TMEM266: variants seen among roughly 807,000 people sequenced by gnomAD.
TMEM266 encodes the protein Hv1 related protein 1.
In TMEM266, 33 loss-of-function variants were observed where a neutral mutation model predicts 50.5. The observed-to-expected ratio is 0.65, with a 90% CI of 0.50 to 0.87. The LOEUF (loss-of-function observed/expected upper bound fraction) is 0.87. TMEM266 is among the 40% of genes least tolerant of loss of function. TMEM266 has a pLI of 0.00. For missense variants in TMEM266, 655 were observed against 695.1 expected, an observed-to-expected ratio of 0.94 and a Z score of 0.65; for synonymous variants, 310 against 292.3, an observed-to-expected ratio of 1.06 and a Z score of -0.62.
intron 5 of TMEM266, among the ~76,000 whole-genome samples, chr15:76,165,981 G>A (rs1206925328): frequency 6.6e-6 from 1 of 152,220 alleles, no homozygotes; most frequent in Non-Finnish European, 1.5e-5. Context: ...CTTGTGCCCA[G>A]AGTTTCTGAT....
chr15:76,129,876 T>A lies in TMEM266; in HGVS notation c.-96-4292T>A, dbSNP rs142175329. On this transcript the variant is annotated intron_variant, in intron 1 of 10. Coordinates refer to ENST00000388942, the MANE Select transcript of TMEM266 (RefSeq NM_152335.3). Reference sequence around the variant, plus strand: ...CCTGATTCAACAAACCTTAAAAAAATATATACAGGACAAATGGGGGAAATG... The same window carrying A: ...CCTGATTCAACAAACCTTAAAAAAAAATATACAGGACAAATGGGGGAAATG... Among the ~76,000 whole-genome samples, 748 of 152,116 alleles carry A rather than the reference T, an allele frequency of 4.9e-3. 7 individuals are homozygous for A. The highest frequency in any genetic ancestry group is 0.017 in the African/African-American group (717 of 41,512).
At chr15:76,109,584 C>T (rs1250042632) in intron 1 of TMEM266, among the ~76,000 whole-genome samples, 1 of 152,180 alleles carries the variant, frequency 6.6e-6, no homozygotes, top group African/African-American at 2.4e-5. Flanking sequence ...ATCGCTTGAG[C>T]CCAGGAGTGT....
intron 1 of TMEM266, among the ~76,000 whole-genome samples, chr15:76,085,006 C>A (rs1596093591): frequency 6.6e-6 from 1 of 150,650 alleles, no homozygotes; most frequent in South Asian, 2.1e-4. Flanking sequence ...GTTGCCCAGG[C>A]TAGAGTGCAG....
intron 3 of TMEM266, among the ~76,000 whole-genome samples, chr15:76,150,989 T>G (rs2037833415): frequency 6.6e-6 from 1 of 152,162 alleles, no homozygotes; most frequent in South Asian, 2.1e-4. Context: ...AGTGACTACC[T>G]TATGGTAGAA....
chr15:76,071,337 TA>T (rs1408115596), intron 1 of TMEM266, among the ~76,000 whole-genome samples: 2 of 152,194 alleles, frequency 1.3e-5, no homozygotes, highest in Non-Finnish European at 2.9e-5. Flanking sequence ...ACAAGATCTA[TA>T]GACAGACTGG....
At chr15:76,060,725 C>CAAA (rs1381305321) in intron 1 of TMEM266, among the ~76,000 whole-genome samples, 1 of 152,186 alleles carries the variant, frequency 6.6e-6, no homozygotes, top group African/African-American at 2.4e-5. Flanking sequence ...CTTGCATACT[C>CAAA]AAACTCATTA....
At chr15:76,080,422 T>G (rs1293463679) in intron 1 of TMEM266, among the ~76,000 whole-genome samples, 1 of 149,296 alleles carries the variant, frequency 6.7e-6, no homozygotes, top group Non-Finnish European at 1.5e-5. Flanking sequence ...TGGCTAATTT[T>G]TGTATTTTTA....
intron 5 of TMEM266, among the ~76,000 whole-genome samples, chr15:76,167,362 C>T (rs1289203833): frequency 5.4e-5 from 8 of 147,936 alleles, no homozygotes; most frequent in Non-Finnish European, 7.4e-5. Context: ...CCCAGCTACT[C>T]GGGAGGCTGA....
rs187959889 is a variant in TMEM266 at position 76,093,872 on chromosome 15, T to A, written c.-97+33856T>A. Among the ~76,000 whole-genome samples, 121 of 152,262 alleles carry A rather than the reference T, an allele frequency of 7.9e-4. 1 individual carries two copies. The highest frequency in any genetic ancestry group is 2.9e-3 in the African/African-American group (119 of 41,574). On this transcript the variant is annotated intron_variant, in intron 1 of 10. Transcript: ENST00000388942. ...GCATTTCTCTGATGACCAGTGATGA[T>A]GAGCATTTTTTCATATGTGTGTTGG...
intron 3 of TMEM266, among the ~76,000 whole-genome samples, chr15:76,138,667 C>T (rs1325197029): frequency 2.6e-5 from 4 of 152,234 alleles, no homozygotes; most frequent in Admixed American, 6.5e-5. Flanking sequence ...CTAGAGAATT[C>T]GGCTAGGAGC....
At chr15:76,187,144 C>CTGAA (rs3065642) in intron 8 of TMEM266, among the ~76,000 whole-genome samples, 39,522 of 151,874 alleles carry the variant, frequency 0.26, 5,657 homozygotes, top group East Asian at 0.56. Flanking sequence ...TGACTTCCTA[C>CTGAA]TGAATGAATG....
At chr15:76,189,228 GGA>G (rs975802151) in intron 8 of TMEM266, among the ~76,000 whole-genome samples, 35 of 151,840 alleles carry the variant, frequency 2.3e-4, no homozygotes, top group African/African-American at 8.0e-4. Flanking sequence ...GAAAGAGAAA[GGA>G]GAGAGGGAGG....
intron 9 of TMEM266, among the ~76,000 whole-genome samples, chr15:76,201,863 C>G (rs969771187): frequency 2.0e-5 from 3 of 152,206 alleles, no homozygotes; most frequent in Admixed American, 6.5e-5. Flanking sequence ...AATGAAGGCT[C>G]AGGCCATCCA....
chr15:76,074,837 G>A (rs1298797636), intron 1 of TMEM266, among the ~76,000 whole-genome samples: 2 of 152,180 alleles, frequency 1.3e-5, no homozygotes, highest in East Asian at 3.9e-4. Flanking sequence ...TTGAACCAGG[G>A]TGCTGTCAGT....
chr15:76,148,979 C>T (rs918523659), intron 3 of TMEM266, among the ~76,000 whole-genome samples: 4 of 152,160 alleles, frequency 2.6e-5, no homozygotes, highest in African/African-American at 9.7e-5. Context: ...TCACCTTTCA[C>T]CTCCATCCTG....
intron 1 of TMEM266, among the ~76,000 whole-genome samples, chr15:76,081,287 G>A (rs1255102929): frequency 1.3e-5 from 2 of 152,188 alleles, no homozygotes; most frequent in African/African-American, 4.8e-5. Flanking sequence ...ATGCACTCTG[G>A]TATTCCTTTC....
At chr15:76,079,678 C>G (rs887956979) in intron 1 of TMEM266, among the ~76,000 whole-genome samples, 1 of 148,818 alleles carries the variant, frequency 6.7e-6, no homozygotes, top group African/African-American at 2.5e-5. Context: ...ATCCCAGCTA[C>G]TCGGGAGGCT....
intron 8 of TMEM266, among the ~76,000 whole-genome samples, chr15:76,185,919 T>C (rs150166634): frequency 1.5e-4 from 23 of 152,266 alleles, no homozygotes; most frequent in African/African-American, 3.6e-4. Context: ...GGACACACAG[T>C]GAAACCAAGG....
At chr15:76,136,501 A>G (rs1335560023) in intron 2 of TMEM266, among the ~76,000 whole-genome samples, 1 of 152,224 alleles carries the variant, frequency 6.6e-6, no homozygotes, top group Non-Finnish European at 1.5e-5. Context: ...AGAGCCCAAG[A>G]GCAGTTTACA....
Sources: gnomAD v4.1 joint callset for allele counts (sites outside exome capture counted in the v4.1 genomes callset) on GRCh38, gnomAD v4.1.1 for gene constraint, MANE v1.5 for transcripts, NCBI Gene and HGNC (gene_info 2026-07-23, HGNC 2026-07-21) for gene names.